The following KCNQ1 variants were observed in gnomAD, a reference collection of about 807,000 sequenced individuals.
The protein encoded by KCNQ1 is potassium voltage-gated channel subfamily KQT member 1.
Under a neutral mutation model 72.4 loss-of-function variants are expected in KCNQ1, and 49 were observed. The ratio of observed to expected loss-of-function variants is 0.68; its 90% CI spans 0.54 to 0.86. KCNQ1 has a LOEUF of 0.86. Ranked by LOEUF, KCNQ1 falls within the 40% of genes least tolerant of loss-of-function variation. The probability of loss-of-function intolerance (pLI) is 0.00; values close to 1 mark genes in which losing one functional copy is unlikely to be tolerated. For synonymous variants in KCNQ1, 450 were observed against 412.6 expected (o/e 1.09, Z -1.10); for missense variants, 790 against 945.1 (o/e 0.84, Z 2.15).
In KCNQ1 at chr11:2,695,552, G is replaced by T; in HGVS notation, c.1514+33471G>T. 1 of 398,638 alleles carries T rather than the reference G, an allele frequency of 2.5e-6. No individual in the cohort carries two copies. The highest frequency in any genetic ancestry group is 4.4e-6 in the Non-Finnish European group (1 of 226,090). The allele number at this position is 398,638 out of a possible 1,614,324, so 24.7% of individuals were successfully genotyped here. ...CCAACTGCCCACCCCTATGGGCCATGCTGCCCTGAGCATGCACACACACAG... is the reference window on the plus strand; with the variant it reads ...CCAACTGCCCACCCCTATGGGCCATTCTGCCCTGAGCATGCACACACACAG... On this transcript the variant is annotated intron_variant, in intron 11 of 15. Transcript: ENST00000155840. The surrounding 1 kb of genome is among the most constrained non-coding windows in gnomAD (Gnocchi z 5.2).
At position 2,653,123 on chromosome 11, in the gene KCNQ1, G is replaced by A; in HGVS notation, c.1394-8838G>A. On this transcript the variant is annotated intron_variant, in intron 10 of 15. Coordinates refer to ENST00000155840, the MANE Select transcript of KCNQ1 (RefSeq NM_000218.3). This position sits in a 1 kb window ranked among gnomAD's most constrained non-coding sequence, Gnocchi z 5.3. ...GCTCACTGAAGGTTTGGGGAGATGA[G>A]GACTTGCATCACAGCAGTAGAAAGC... The A allele has an allele frequency of 7.5e-6, 3 of 398,738 alleles. No individual in the cohort carries two copies. In the South Asian group the frequency reaches 3.8e-4, roughly 51 times the overall value. 24.7% of individuals were successfully genotyped at this position (398,738 alleles called of 1,614,324 possible).
At chr11:2,632,182 CAAAAA>C (rs34998500) in intron 10 of KCNQ1, 282 of 311,172 alleles carry the variant, frequency 9.1e-4, no homozygotes, top group African/African-American at 1.0e-3. Context: ...GACTCTGCCT[CAAAAA>C]AAAAAAAAAA....
chr11:2,754,510 G>A (rs1443800679), intron 11 of KCNQ1, among the ~76,000 whole-genome samples: 1 of 152,252 alleles, frequency 6.6e-6, no homozygotes, highest in Non-Finnish European at 1.5e-5. Flanking sequence ...ATGTTGCAGT[G>A]TAGGCACAAG....
intron 1 of KCNQ1, among the ~76,000 whole-genome samples, chr11:2,459,837 A>C (rs1227396558): frequency 6.6e-6 from 1 of 151,980 alleles, no homozygotes; most frequent in Non-Finnish European, 1.5e-5. Context: ...CCCATGCAGC[A>C]CAGGTGGCCA....
chr11:2,764,352 C>G lies in KCNQ1; in HGVS notation c.1515-4492C>G, dbSNP rs544613439. 6.6e-6 allele frequency among the ~76,000 whole-genome samples: 1 copy of G among 152,176 alleles called. No individual in the cohort carries two copies. Among genetic ancestry groups the G allele is most frequent in the South Asian group, 2.1e-4 (1 of 4,830 alleles). ...TATTCTGTTGATGTGAAGAGTGACGCTGCTTGGTCCTTAGAGGGTAAACTC... is the reference window on the plus strand; with the variant it reads ...TATTCTGTTGATGTGAAGAGTGACGGTGCTTGGTCCTTAGAGGGTAAACTC... On this transcript the variant is annotated intron_variant, in intron 11 of 15. Coordinates refer to ENST00000155840, the MANE Select transcript of KCNQ1 (RefSeq NM_000218.3). This position sits in a 1 kb window ranked among gnomAD's most constrained non-coding sequence, Gnocchi z 4.8.
chr11:2,667,073 G>A (rs1355854930), intron 11 of KCNQ1: 1 of 398,632 alleles, frequency 2.5e-6, no homozygotes. Context: ...AATGCACGGG[G>A]GGATTAAATG....
chr11:2,801,179 C>CT (rs959400653), intron 15 of KCNQ1, among the ~76,000 whole-genome samples: 8 of 152,264 alleles, frequency 5.3e-5, no homozygotes, highest in African/African-American at 1.9e-4. Flanking sequence ...GACCAGCCCC[C>CT]TAGAGGCTCC....
In KCNQ1 at chr11:2,653,066, A is replaced by C. The variant is rs1590008131; in HGVS notation, c.1394-8895A>C. 9 of 398,704 alleles carry C rather than the reference A, an allele frequency of 2.3e-5. No individual in the cohort carries two copies. The East Asian group carries it at 3.2e-4, about 14-fold the overall frequency. 24.7% of individuals were successfully genotyped at this position (398,704 alleles called of 1,614,324 possible). A position where few individuals can be genotyped will look rare whatever the true frequency, so the allele number is the denominator to read the frequency against. On this transcript the variant is annotated intron_variant, in intron 10 of 15. Coordinates refer to ENST00000155840, the MANE Select transcript of KCNQ1 (RefSeq NM_000218.3). This position sits in a 1 kb window ranked among gnomAD's most constrained non-coding sequence, Gnocchi z 5.3. The stretch of plus-strand genomic sequence containing the variant: ...TCCAACATGTTCCATAATTTGCATC[A>C]AACATCCTCATACAGCAGGGTGTGG...
chr11:2,527,835 GC>G, intron 1 of KCNQ1, 92 bp from the exon 2 acceptor site: 1 of 1,027,506 alleles, frequency 9.7e-7, no homozygotes, highest in Non-Finnish European at 1.5e-6. Flanking sequence ...CTACCTGGGG[GC>G]GGGGCTGAGG....
At chr11:2,485,749 C>G (rs1846731376) in intron 1 of KCNQ1, among the ~76,000 whole-genome samples, 1 of 152,170 alleles carries the variant, frequency 6.6e-6, no homozygotes, top group African/African-American at 2.4e-5. Context: ...ATGGATTTGA[C>G]TAATCCAGGA....
chr11:2,647,898 TATTG>T lies in KCNQ1; in HGVS notation c.1394-14059_1394-14056del. On this transcript the variant is annotated intron_variant, in intron 10 of 15. Transcript: ENST00000155840. This position sits in a 1 kb window ranked among gnomAD's most constrained non-coding sequence, Gnocchi z 4.0. The stretch of plus-strand genomic sequence containing the variant: ...TTCTTGGTTAGTCTAGCTAATGGTT[TATTG>T]ATTTTCTCTTTTCAAAAAATCAGTT... The T allele has an allele frequency of 2.5e-6, 1 of 398,488 alleles. No individual in the cohort carries two copies. Among genetic ancestry groups the T allele is most frequent in the Non-Finnish European group, 4.4e-6 (1 of 226,046 alleles). 24.7% of individuals were successfully genotyped at this position (398,488 alleles called of 1,614,324 possible).
At position 2,647,060 on chromosome 11, in the gene KCNQ1, T is replaced by G; in HGVS notation, c.1394-14901T>G. The G allele has an allele frequency of 7.5e-6, 3 of 398,614 alleles. No homozygotes were observed. Among genetic ancestry groups the G allele is most frequent in the Non-Finnish European group, 8.8e-6 (2 of 226,046 alleles). The allele number at this position is 398,614 out of a possible 1,614,324, so 24.7% of individuals were successfully genotyped here. The stretch of plus-strand genomic sequence containing the variant: ...AGTGAAAGTGGGCATCCTTGTCTTG[T>G]TCTAGTTCTAAGAGAGAAGGTGTTT... On this transcript the variant is annotated intron_variant, in intron 10 of 15. Transcript: ENST00000155840. This position sits in a 1 kb window ranked among gnomAD's most constrained non-coding sequence, Gnocchi z 4.0.
chr11:2,472,234 TATG>T (rs916451044), intron 1 of KCNQ1, among the ~76,000 whole-genome samples: 9 of 151,516 alleles, frequency 5.9e-5, no homozygotes, highest in African/African-American at 2.2e-4. Context: ...TTCATGTATA[TATG>T]GGTGTGTGTG....
At chr11:2,512,697 ACT>A (rs1847229660) in intron 1 of KCNQ1, among the ~76,000 whole-genome samples, 2 of 151,812 alleles carry the variant, frequency 1.3e-5, no homozygotes, top group African/African-American at 4.8e-5. Context: ...CTGGGGCCAC[ACT>A]CTCTGGTCCA....
rs1004663330 is a variant in KCNQ1, at chr11:2,651,416, G to A, written c.1394-10545G>A. On this transcript the variant is annotated intron_variant, in intron 10 of 15. Transcript: ENST00000155840. The surrounding 1 kb of genome is among the most constrained non-coding windows in gnomAD (Gnocchi z 6.1). ...GCTCACTTTCCATTCCTTTTGGCCTGCCCTGTGTGCAGCTCAGCAAGTGCC... is the reference window on the plus strand; with the variant it reads ...GCTCACTTTCCATTCCTTTTGGCCTACCCTGTGTGCAGCTCAGCAAGTGCC... 1.5e-5 allele frequency: 6 copies of A among 398,582 alleles called. No homozygotes were observed. The highest frequency in any genetic ancestry group is 2.7e-5 in the Non-Finnish European group (6 of 226,122). 24.7% of individuals were successfully genotyped at this position (398,582 alleles called of 1,614,324 possible).
In KCNQ1 at chr11:2,541,075, A is replaced by G. The variant is rs1187573068; in HGVS notation, c.477+13057A>G. Reference sequence around the variant, plus strand: ...CACGTGTGTGTGCACGTTCAGGCTCAGACACGTGCCTGCATGCACACGTGC... The same window carrying G: ...CACGTGTGTGTGCACGTTCAGGCTCGGACACGTGCCTGCATGCACACGTGC... On this transcript the variant is annotated intron_variant, in intron 2 of 15. Transcript: ENST00000155840. This position sits in a 1 kb window ranked among gnomAD's most constrained non-coding sequence, Gnocchi z 4.8. Among the ~76,000 whole-genome samples the G allele has an allele frequency of 6.6e-6, 1 of 152,254 alleles. No homozygotes were observed. Among genetic ancestry groups the G allele is most frequent in the East Asian group, 1.9e-4 (1 of 5,192 alleles).
intron 1 of KCNQ1, among the ~76,000 whole-genome samples, chr11:2,469,066 GT>G (rs2133593476): frequency 6.6e-6 from 1 of 152,232 alleles, no homozygotes; most frequent in East Asian, 1.9e-4. Flanking sequence ...CTGTCTCCTT[GT>G]CAACACTTGG....
Position 2,769,290 on chromosome 11 carries a change from G to A in KCNQ1, c.1590+371G>A, listed in dbSNP as rs367647921. On this transcript the variant is annotated intron_variant, in intron 12 of 15. Coordinates refer to ENST00000155840, the MANE Select transcript of KCNQ1 (RefSeq NM_000218.3). This position sits in a 1 kb window ranked among gnomAD's most constrained non-coding sequence, Gnocchi z 4.6. ...ATGACTCAGAGATGGTGCGGAGCCT[G>A]CCCTGAGTCACCAAGCTGGGAAGGC... 3.3e-5 allele frequency among the ~76,000 whole-genome samples: 5 copies of A among 152,320 alleles called. No individual in the cohort carries two copies. Among genetic ancestry groups the A allele is most frequent in the South Asian group, 2.1e-4 (1 of 4,828 alleles).
In KCNQ1 at chr11:2,690,084, A is replaced by G. The variant is rs1433350331; in HGVS notation, c.1514+28003A>G. On this transcript the variant is annotated intron_variant, in intron 11 of 15. Coordinates refer to ENST00000155840, the MANE Select transcript of KCNQ1 (RefSeq NM_000218.3). The surrounding 1 kb of genome is among the most constrained non-coding windows in gnomAD (Gnocchi z 5.1). Reference sequence around the variant, plus strand: ...CTGCTTCTGTCTGGGCTGAAGGCACAGCAGGGACAATCGCTCTTCCGGGGT... The same window carrying G: ...CTGCTTCTGTCTGGGCTGAAGGCACGGCAGGGACAATCGCTCTTCCGGGGT... The G allele has an allele frequency of 2.0e-5, 8 of 398,780 alleles. No individual in the cohort carries two copies. The allele number at this position is 398,780 out of a possible 1,614,324, so 24.7% of individuals were successfully genotyped here. A position where few individuals can be genotyped will look rare whatever the true frequency, so the allele number is the denominator to read the frequency against.
Sources: allele counts gnomAD v4.1 joint callset (sites outside exome capture counted in the v4.1 genomes callset), GRCh38; gene constraint gnomAD v4.1.1; non-coding constraint Gnocchi (gnomAD v3.1); transcripts MANE v1.5; gene names NCBI Gene and HGNC (gene_info 2026-07-23, HGNC 2026-07-21).